DOCK10: variants seen among roughly 807,000 people sequenced by gnomAD.
DOCK10 encodes the protein dedicator of cytokinesis 10.
DOCK10 carries 145 observed loss-of-function variants against 280.1 expected under a neutral mutation model. The observed-to-expected ratio is 0.52, with a 90% confidence interval of 0.45 to 0.59. The LOEUF is 0.59. Among genes scored for constraint, DOCK10 ranks in the 20% least tolerant of loss-of-function variants. The pLI is 0.00. For synonymous variants in DOCK10, 915 were observed against 942.2 expected (o/e 0.97, Z 0.53); for missense variants, 2,368 against 2,651.7 (o/e 0.89, Z 2.35).
chr2:225,033,349 AT>A (rs1690136160), intron 1 of DOCK10, among the ~76,000 whole-genome samples: 1 of 151,838 alleles, frequency 6.6e-6, no homozygotes, highest in Admixed American at 6.6e-5. Context: ...CGCCCGGCTA[AT>A]TTTTGTAATT....
chr2:224,795,262 T>A, intron 44 of DOCK10, 168 bp from the exon 45 acceptor site: 1 of 623,304 alleles, frequency 1.6e-6, no homozygotes, highest in Non-Finnish European at 2.8e-6. Flanking sequence ...TGACTGTGGA[T>A]ACACACATTT....
At chr2:224,892,881 CAT>C (rs1467317415) in intron 4 of DOCK10, among the ~76,000 whole-genome samples, 1 of 152,230 alleles carries the variant, frequency 6.6e-6, no homozygotes, top group Admixed American at 6.5e-5. Context: ...AGCTCAGTCA[CAT>C]GTCTGTGGGG....
chr2:224,942,470 C>A (rs1030103461), intron 1 of DOCK10, among the ~76,000 whole-genome samples: 1 of 152,156 alleles, frequency 6.6e-6, no homozygotes, highest in African/African-American at 2.4e-5. Context: ...TTCCTAGAAC[C>A]AAAATCCTGG....
intron 1 of DOCK10, among the ~76,000 whole-genome samples, chr2:225,007,975 G>A (rs1689322455): frequency 6.6e-6 from 1 of 151,924 alleles, no homozygotes; most frequent in African/African-American, 2.4e-5. Context: ...TCAATGGAGT[G>A]GGGGCAAATA....
chr2:224,786,702 A>G lies in DOCK10; in HGVS notation c.5655+320T>C, dbSNP rs3768879. 0.057 allele frequency among the ~76,000 whole-genome samples: 8,704 copies of G among 152,276 alleles called. 296 individuals are homozygous for G. The highest frequency in any genetic ancestry group is 0.1 in the South Asian group (485 of 4,816). On this transcript the variant is annotated intron_variant, in intron 50 of 55. Transcript: ENST00000258390. This position sits in a 1 kb window ranked among gnomAD's most constrained non-coding sequence, Gnocchi z 4.7. ...ATATTCAATTTAATTTCACTTTAAT[A>G]TATGGCGTAAACTTATAATTAGATA...
Position 224,849,523 on chromosome 2 carries a change from G to A in DOCK10, c.2219C>T (p.Pro740Leu), listed in dbSNP as rs1375384426. Reference protein sequence around the residue: ...YTAVLHHSQNPDFSDEVKIEL... With the variant: ...YTAVLHHSQNLDFSDEVKIEL... ...AGCTCTTACCTCATCTGAGAAATCCGGATTCTGAGAGTGGTGCAGAACTGC... is the reference window on the plus strand; with the variant it reads ...AGCTCTTACCTCATCTGAGAAATCCAGATTCTGAGAGTGGTGCAGAACTGC... The change falls in exon 19 of 56, where the codon CCG becomes CTG. Residue 740 changes from proline (P) to leucine (L), a missense_variant. This residue lies in a region of DOCK10 where 1,209 missense variants were observed against 1,250.9 expected (regional missense o/e 0.97). Coordinates refer to ENST00000258390, the MANE Select transcript of DOCK10 (RefSeq NM_014689.3). 5 of 1,611,570 alleles carry A rather than the reference G, an allele frequency of 3.1e-6. No homozygotes were observed. Among genetic ancestry groups the A allele is most frequent in the South Asian group, 2.2e-5 (2 of 90,238 alleles).
chr2:224,963,361 GA>G (rs149811467), intron 1 of DOCK10, among the ~76,000 whole-genome samples: 7,811 of 152,274 alleles, frequency 0.051, 243 homozygotes, highest in Non-Finnish European at 0.073. Context: ...GTCTGCAATA[GA>G]TCAATAGTTT....
At chr2:225,031,583 A>T (rs1357268357) in intron 1 of DOCK10, among the ~76,000 whole-genome samples, 2 of 152,230 alleles carry the variant, frequency 1.3e-5, no homozygotes, top group African/African-American at 4.8e-5. Context: ...AGCCAGGGAC[A>T]GACACAGAAC....
chr2:224,943,255 C>T (rs1703194397), intron 1 of DOCK10, among the ~76,000 whole-genome samples: 1 of 152,004 alleles, frequency 6.6e-6, no homozygotes, highest in Non-Finnish European at 1.5e-5. Context: ...AGTGGCATTT[C>T]TCAGACAATA....
chr2:224,908,906 G>A (rs7577559), intron 3 of DOCK10, among the ~76,000 whole-genome samples: 2,358 of 152,216 alleles, frequency 0.015, 73 homozygotes, highest in African/African-American at 0.053. Flanking sequence ...TTCTACTCCC[G>A]CAGCAGCATT....
At chr2:224,881,356 A>G (rs1698965359) in intron 7 of DOCK10, among the ~76,000 whole-genome samples, 1 of 152,172 alleles carries the variant, frequency 6.6e-6, no homozygotes, top group African/African-American at 2.4e-5. Flanking sequence ...TGGTTTGCAC[A>G]TTGCAAGTTT....
intron 2 of DOCK10, among the ~76,000 whole-genome samples, chr2:224,929,595 A>G (rs1702213465): frequency 6.6e-6 from 1 of 152,208 alleles, no homozygotes; most frequent in Non-Finnish European, 1.5e-5. Flanking sequence ...GAGCCACAGA[A>G]GGGTTTTAAG....
At chr2:224,863,505 T>G (rs1697665280) in intron 13 of DOCK10, among the ~76,000 whole-genome samples, 1 of 152,116 alleles carries the variant, frequency 6.6e-6, no homozygotes. Context: ...CAGGCTGGAG[T>G]GCAGTGGCAG....
At chr2:224,810,809 T>G (rs2125251470) in intron 31 of DOCK10, among the ~76,000 whole-genome samples, 1 of 152,216 alleles carries the variant, frequency 6.6e-6, no homozygotes, top group South Asian at 2.1e-4. Context: ...ACAAAGGACG[T>G]GAACTCATCA....
chr2:224,855,098 C>G (rs1697033914), intron 15 of DOCK10, 56 bp from the exon 16 acceptor site: 1 of 1,191,488 alleles, frequency 8.4e-7, no homozygotes, highest in Non-Finnish European at 1.2e-6. Context: ...CACACACACA[C>G]ACAGAGTATT....
chr2:224,946,726 C>T (rs1004654744), intron 1 of DOCK10: 5 of 624,062 alleles, frequency 8.0e-6, no homozygotes, highest in Non-Finnish European at 1.3e-5. Context: ...ATGGAATCTT[C>T]TGTTCCATAT....
At chr2:224,806,439 C>A (rs1287541308) in intron 33 of DOCK10, among the ~76,000 whole-genome samples, 1 of 152,054 alleles carries the variant, frequency 6.6e-6, no homozygotes, top group African/African-American at 2.4e-5. Flanking sequence ...ATTTATGTGA[C>A]TTTTTTACAA....
intron 4 of DOCK10, among the ~76,000 whole-genome samples, chr2:224,888,008 T>G (rs1315808548): frequency 6.6e-6 from 1 of 152,146 alleles, no homozygotes; most frequent in African/African-American, 2.4e-5. Context: ...GTATGGAGGT[T>G]TCTAAGTAAA....
intron 3 of DOCK10, among the ~76,000 whole-genome samples, chr2:224,907,713 G>A (rs991762306): frequency 6.6e-6 from 1 of 150,768 alleles, no homozygotes; most frequent in African/African-American, 2.4e-5. Flanking sequence ...AAGAATAGAG[G>A]TTTGGCCATG....
Sources: gnomAD v4.1 joint callset for allele counts (sites outside exome capture counted in the v4.1 genomes callset) on GRCh38, gnomAD v4.1.1 for gene constraint, gnomAD v4.1.1 regional missense constraint, Gnocchi (gnomAD v3.1) non-coding constraint, MANE v1.5 for transcripts, NCBI Gene and HGNC (gene_info 2026-07-23, HGNC 2026-07-21) for gene names.